Variants in ZBTB20 observed in about 807,000 individuals in gnomAD.
The protein encoded by ZBTB20 is zinc finger and BTB domain-containing protein 20.
Under a neutral mutation model 56.9 loss-of-function variants are expected in ZBTB20, and 9 were observed. That is an observed-to-expected ratio of 0.16 (90% CI 0.10 to 0.28). ZBTB20 has a LOEUF of 0.28. Ranked by LOEUF, ZBTB20 falls within the 10% of genes least tolerant of loss-of-function variation. The probability of loss-of-function intolerance (pLI) is 1.00; values close to 1 mark genes in which losing one functional copy is unlikely to be tolerated. For missense variants in ZBTB20, 655 were observed against 1,003.0 expected (o/e 0.65, Z 4.69); for synonymous variants, 417 against 420.7 (o/e 0.99, Z 0.11).
intron 7 of ZBTB20, among the ~76,000 whole-genome samples, chr3:114,467,680 G>C (rs1338846267): frequency 1.3e-5 from 2 of 152,072 alleles, no homozygotes; most frequent in Non-Finnish European, 2.9e-5. Flanking sequence ...GAAAAATGTT[G>C]GCATTATTAA....
intron 10 of ZBTB20, among the ~76,000 whole-genome samples, chr3:114,374,336 C>T (rs1263205792): frequency 6.6e-6 from 1 of 152,154 alleles, no homozygotes; most frequent in Non-Finnish European, 1.5e-5. Context: ...GCAACGAGAG[C>T]ACTTAGTTGT....
At chr3:114,519,808 G>C (rs2046428226) in intron 6 of ZBTB20, 1 of 152,148 alleles carries the variant, frequency 6.6e-6, no homozygotes. Context: ...ATACATTCTA[G>C]AAAACTGGGA....
Position 114,338,880 on chromosome 3 carries a change from AAAAC to A in ZBTB20, c.*121_*124del, listed in dbSNP as rs1259584638. ...ATGTAGTACAAAATGAAACGAAACA[AAAAC>A]AAAAACAGAAAGTAAAAATGAAACC... On this transcript the variant is annotated 3_prime_UTR_variant, in exon 12 of 12. Coordinates refer to ENST00000675478, the MANE Select transcript of ZBTB20 (RefSeq NM_001348800.3). 1.6e-6 allele frequency: 2 copies of A among 1,221,322 alleles called. No individual in the cohort carries two copies. Among genetic ancestry groups the A allele is most frequent in the African/African-American group, 3.0e-5 (2 of 66,034 alleles). 75.7% of individuals were successfully genotyped at this position (1,221,322 alleles called of 1,614,324 possible).
chr3:114,675,880 T>C (rs1271596014), intron 6 of ZBTB20, among the ~76,000 whole-genome samples: 2 of 152,142 alleles, frequency 1.3e-5, no homozygotes, highest in Non-Finnish European at 2.9e-5. Context: ...ATAACAATAA[T>C]ATTAATATCA....
At chr3:115,030,113 A>G (rs996861976) in intron 2 of ZBTB20, among the ~76,000 whole-genome samples, 1 of 151,156 alleles carries the variant, frequency 6.6e-6, no homozygotes, top group Non-Finnish European at 1.5e-5. Context: ...CAGTACATAC[A>G]TTATTATAGG....
intron 6 of ZBTB20, among the ~76,000 whole-genome samples, chr3:114,500,921 T>C (rs529785372): frequency 6.6e-6 from 1 of 152,324 alleles, no homozygotes; most frequent in South Asian, 2.1e-4. Context: ...CTGACTAGAA[T>C]AGGTAAAAGC....
At chr3:114,661,830 C>T (rs542560222) in intron 6 of ZBTB20, among the ~76,000 whole-genome samples, 1 of 151,858 alleles carries the variant, frequency 6.6e-6, no homozygotes, top group African/African-American at 2.4e-5. Flanking sequence ...ATTATTTTCA[C>T]GAGTTTCATG....
At chr3:115,024,115 C>A (rs531909126) in intron 2 of ZBTB20, among the ~76,000 whole-genome samples, 3 of 151,164 alleles carry the variant, frequency 2.0e-5, no homozygotes, top group African/African-American at 7.2e-5. Context: ...CTACTGTTGG[C>A]AGAAAGCAAA....
intron 4 of ZBTB20, among the ~76,000 whole-genome samples, chr3:114,880,520 T>C (rs189668551): frequency 1.3e-5 from 2 of 152,326 alleles, no homozygotes; most frequent in East Asian, 3.9e-4. Flanking sequence ...TATAGCTAAA[T>C]GTATCAAAAC....
At chr3:114,729,376 C>T (rs1282992595) in intron 5 of ZBTB20, among the ~76,000 whole-genome samples, 1 of 152,128 alleles carries the variant, frequency 6.6e-6, no homozygotes, top group Non-Finnish European at 1.5e-5. Context: ...AGTCTCGAAG[C>T]TATAGATCGA....
rs991878272 is a variant in ZBTB20 at position 114,880,126 on chromosome 3, T to C, written c.-417+20178A>G. ...ATGAATACAAATCTTTTATGTATTT[T>C]CTGTGTGCAATGATTAGTATGAGTA... On this transcript the variant is annotated intron_variant, in intron 4 of 11. Coordinates refer to ENST00000675478, the MANE Select transcript of ZBTB20 (RefSeq NM_001348800.3). Among the ~76,000 whole-genome samples, 17 of 152,238 alleles carry C rather than the reference T, an allele frequency of 1.1e-4. 1 individual carries two copies. Among genetic ancestry groups the C allele is most frequent in the African/African-American group, 4.1e-4 (17 of 41,452 alleles).
rs1229757252 is a variant in ZBTB20 at position 114,729,956 on chromosome 3, AT to A, written c.-342-36382del. Among the ~76,000 whole-genome samples, 294 of 119,442 alleles carry A rather than the reference AT, an allele frequency of 2.5e-3. 1 individual carries two copies. The highest frequency in any genetic ancestry group is 4.1e-3 in the African/African-American group (126 of 30,404). 78.4% of individuals were successfully genotyped at this position (119,442 alleles called of 152,430 possible). A position where few individuals can be genotyped will look rare whatever the true frequency, so the allele number is the denominator to read the frequency against. ...GTAGCTGGGATCACACATCCGGCTA[AT>A]TTTTTTTTTTTTTTTTTTTTTGTAT... On this transcript the variant is annotated intron_variant, in intron 5 of 11. Transcript: ENST00000675478.
chr3:114,961,325 G>C (rs769531613), intron 3 of ZBTB20, among the ~76,000 whole-genome samples: 3 of 151,900 alleles, frequency 2.0e-5, no homozygotes, highest in Non-Finnish European at 2.9e-5. Flanking sequence ...GTTTGCAGTA[G>C]GGTTGTAGAC....
chr3:115,008,937 C>A (rs1576551597), intron 2 of ZBTB20, among the ~76,000 whole-genome samples: 1 of 151,994 alleles, frequency 6.6e-6, no homozygotes, highest in East Asian at 2.0e-4. Flanking sequence ...TTCCTATATG[C>A]TCACAAACCA....
chr3:114,632,976 C>A (rs1578074789), intron 6 of ZBTB20, among the ~76,000 whole-genome samples: 1 of 152,286 alleles, frequency 6.6e-6, no homozygotes, highest in East Asian at 1.9e-4. Flanking sequence ...CTTTTAGATG[C>A]AAATTTTTTG....
intron 6 of ZBTB20, among the ~76,000 whole-genome samples, chr3:114,578,420 G>C (rs1022746975): frequency 6.6e-6 from 1 of 151,934 alleles, no homozygotes; most frequent in Non-Finnish European, 1.5e-5. Flanking sequence ...AAGGATAATA[G>C]CTGAGAATTT....
rs1430963618 is a variant in ZBTB20, at chr3:114,317,499, G to T, written c.*21506C>A. 2 of 152,172 alleles carry T rather than the reference G, an allele frequency of 1.3e-5. No homozygotes were observed. The highest frequency in any genetic ancestry group is 4.8e-5 in the African/African-American group (2 of 41,426). 9.4% of individuals were successfully genotyped at this position (152,172 alleles called of 1,614,324 possible). On this transcript the variant is annotated 3_prime_UTR_variant, in exon 12 of 12. Coordinates refer to ENST00000675478, the MANE Select transcript of ZBTB20 (RefSeq NM_001348800.3). ...GAAGTCTATGAAATACAATGTTCAG[G>T]AAATGCTCTGAAATCAAACGGATTT... is the stretch of plus-strand genomic sequence containing the variant.
chr3:114,618,726 A>G (rs944522975), intron 6 of ZBTB20, among the ~76,000 whole-genome samples: 5 of 152,218 alleles, frequency 3.3e-5, no homozygotes, highest in Admixed American at 2.0e-4. Context: ...GATGAGTCCC[A>G]GAAAGGTTAG....
intron 6 of ZBTB20, among the ~76,000 whole-genome samples, chr3:114,551,030 C>T (rs1247191391): frequency 1.3e-5 from 2 of 152,298 alleles, no homozygotes; most frequent in South Asian, 2.1e-4. Flanking sequence ...GAATTATACA[C>T]ATAAGCCACC....
Sources: gnomAD v4.1 joint callset for allele counts (sites outside exome capture counted in the v4.1 genomes callset) on GRCh38, gnomAD v4.1.1 for gene constraint, MANE v1.5 for transcripts, NCBI Gene and HGNC (gene_info 2026-07-23, HGNC 2026-07-21) for gene names.